Variants in ZFP2 observed in about 807,000 individuals in gnomAD.
ZFP2 encodes the protein ZFP2 zinc finger protein, also known as zinc finger protein ZFP2.
ZFP2 carries 33 observed loss-of-function variants against 36.1 expected under a neutral mutation model. That is an observed-to-expected ratio of 0.92 (90% confidence interval 0.69 to 1.22). The LOEUF is 1.22. Ranked by LOEUF, ZFP2 falls within the 50% of genes most tolerant of loss-of-function variation. The probability of loss-of-function intolerance (pLI) is 0.00; values close to 1 mark genes in which losing one functional copy is unlikely to be tolerated. For synonymous variants in ZFP2, 170 were observed against 178.0 expected, an observed-to-expected ratio of 0.96 and a Z score of 0.36; for missense variants, 522 against 551.4, an observed-to-expected ratio of 0.95 and a Z score of 0.53.
chr5:178,903,912 A>C (rs1360521219), intron 1 of ZFP2, among the ~76,000 whole-genome samples: 1 of 152,060 alleles, frequency 6.6e-6, no homozygotes, highest in Non-Finnish European at 1.5e-5. Flanking sequence ...AATCGGTTGA[A>C]CCCGGGAGGT....
Position 178,931,304 on chromosome 5 carries a change from T to A in ZFP2, c.-10T>A. 2 of 1,574,492 alleles carry A rather than the reference T, an allele frequency of 1.3e-6. No individual in the cohort carries two copies. The highest frequency in any genetic ancestry group is 1.7e-6 in the Non-Finnish European group (2 of 1,162,696). ...CGGGTATTACTGAAGATTTATGCCA[T>A]GGGGTAACAATGGAAAGGGAAGGTA... On this transcript the variant is annotated 5_prime_UTR_variant, in exon 5 of 5. An upstream start codon of the reference 5' UTR is lost. Coordinates refer to ENST00000361362, the MANE Select transcript of ZFP2 (RefSeq NM_030613.4).
intron 1 of ZFP2, among the ~76,000 whole-genome samples, chr5:178,897,544 C>T (rs1757968218): frequency 6.6e-6 from 1 of 152,018 alleles, no homozygotes; most frequent in African/African-American, 2.4e-5. Context: ...TTTTTGTGTA[C>T]ATTTTTATTT....
chr5:178,925,177 ATATATAT>A (rs1758645891), intron 4 of ZFP2, among the ~76,000 whole-genome samples: 1 of 147,120 alleles, frequency 6.8e-6, no homozygotes, highest in Non-Finnish European at 1.5e-5. Context: ...ATACATATAC[ATATATAT>A]TATGTGCCTT....
At chr5:178,909,972 T>G in intron 1 of ZFP2, 5 of 1,404,536 alleles carry the variant, frequency 3.6e-6, no homozygotes, top group Non-Finnish European at 5.0e-6. Context: ...TACTGGAGAA[T>G]TGTTCTGGGT....
Position 178,896,625 on chromosome 5 carries a change from A to C in ZFP2, c.-450+651A>C, listed in dbSNP as rs553360885. On this transcript the variant is annotated intron_variant, in intron 1 of 4. Coordinates refer to ENST00000361362, the MANE Select transcript of ZFP2 (RefSeq NM_030613.4). ...GGGGAATCTTTTCTTTTTTTCCTTA[A>C]GCGATTTCACTGTAGCACAACTGGA... 5.3e-5 allele frequency among the ~76,000 whole-genome samples: 8 copies of C among 152,264 alleles called. No individual in the cohort carries two copies. In the East Asian group the frequency reaches 1.5e-3, roughly 29 times the overall value.
At chr5:178,905,857 T>C (rs1226728981) in intron 1 of ZFP2, among the ~76,000 whole-genome samples, 6 of 152,038 alleles carry the variant, frequency 3.9e-5, no homozygotes, top group African/African-American at 1.4e-4. Flanking sequence ...GCTCAAGCCA[T>C]GTTCCCACCT....
chr5:178,931,238 C>T lies in ZFP2; in HGVS notation c.-76C>T. ...ATTTGAATTTTTTTTTTTTTTCAGA[C>T]TGGGAGACAAGACTTGAAACCAAAG... On this transcript the variant is annotated splice_region_variant and 5_prime_UTR_variant, in exon 5 of 5. Transcript: ENST00000361362. 2.7e-6 allele frequency: 4 copies of T among 1,500,668 alleles called. No individual in the cohort carries two copies. The highest frequency in any genetic ancestry group is 3.5e-6 in the Non-Finnish European group (4 of 1,128,826). The allele number at this position is 1,500,668 out of a possible 1,614,324, so 93.0% of individuals were successfully genotyped here. A position where few individuals can be genotyped will look rare whatever the true frequency, so the allele number is the denominator to read the frequency against.
chr5:178,930,613 A>G (rs1758808041), intron 4 of ZFP2, among the ~76,000 whole-genome samples: 1 of 151,586 alleles, frequency 6.6e-6, no homozygotes, highest in Non-Finnish European at 1.5e-5. Flanking sequence ...GAGCCACCAC[A>G]CCCGGGCTTG....
intron 3 of ZFP2, among the ~76,000 whole-genome samples, chr5:178,915,201 C>G (rs1758393687): frequency 6.6e-6 from 1 of 151,604 alleles, no homozygotes; most frequent in African/African-American, 2.4e-5. Flanking sequence ...TATTGTCATT[C>G]TGGTGGGTTT....
intron 1 of ZFP2, among the ~76,000 whole-genome samples, chr5:178,901,439 C>T (rs1758055552): frequency 6.6e-6 from 1 of 152,214 alleles, no homozygotes; most frequent in African/African-American, 2.4e-5. Flanking sequence ...CAGGGCCTTG[C>T]TCTCTGAAAC....
rs6872794 is a variant in ZFP2 at position 178,911,537 on chromosome 5, G to A, written c.-449-1047G>A. Among the ~76,000 whole-genome samples the A allele has an allele frequency of 2.4e-4, 36 of 151,978 alleles. No individual in the cohort carries two copies. In the East Asian group the frequency reaches 6.4e-3, roughly 27 times the overall value. ...GGAGAAAGACTTTTATGATGATCCA[G>A]TTCCATTTAATGAGTATATGTGAAA... On this transcript the variant is annotated intron_variant, in intron 1 of 4. Coordinates refer to ENST00000361362, the MANE Select transcript of ZFP2 (RefSeq NM_030613.4).
In ZFP2 at chr5:178,932,036, C is replaced by CTA. The variant is rs781527597; in HGVS notation, c.725_726dup (p.Glu243MetfsTer73). 23 of 1,613,916 alleles carry CTA rather than the reference C, an allele frequency of 1.4e-5. No homozygotes were observed. In the East Asian group the frequency reaches 4.5e-4, roughly 31 times the overall value. Reference sequence around the variant, plus strand: ...AGAGAACTCATACAGGAGAAAAACCCTATGAATGTAATGAATGTGGAAAAG... The same window carrying CTA: ...AGAGAACTCATACAGGAGAAAAACCCTATATGAATGTAATGAATGTGGAAAAG... On this transcript the variant is annotated frameshift_variant, in exon 5 of 5. Transcript: ENST00000361362. LOFTEE classifies it high-confidence loss of function.
intron 4 of ZFP2, among the ~76,000 whole-genome samples, chr5:178,926,037 G>A (rs1035361404): frequency 6.8e-6 from 1 of 148,060 alleles, no homozygotes; most frequent in Non-Finnish European, 1.5e-5. Flanking sequence ...TGTAGAGATG[G>A]GCTCTCACTA....
rs1217706133 is a variant in ZFP2, at chr5:178,925,150, C to CAT, written c.-77-6079_-77-6078dup. Among the ~76,000 whole-genome samples the CAT allele has an allele frequency of 3.7e-3, 300 of 81,846 alleles. 8 individuals are homozygous for CAT. The highest frequency in any genetic ancestry group is 0.011 in the African/African-American group (283 of 25,674). 53.7% of individuals were successfully genotyped at this position (81,846 alleles called of 152,430 possible). On this transcript the variant is annotated intron_variant, in intron 4 of 4. Coordinates refer to ENST00000361362, the MANE Select transcript of ZFP2 (RefSeq NM_030613.4). Reference sequence around the variant, plus strand: ...ATACACACACACACACACACACACACATATATATACACATATATACATATA... The same window carrying CAT: ...ATACACACACACACACACACACACACATATATATATACACATATATACATATA...
chr5:178,906,302 T>C (rs1178333736), intron 1 of ZFP2, among the ~76,000 whole-genome samples: 2 of 152,174 alleles, frequency 1.3e-5, no homozygotes, highest in Non-Finnish European at 2.9e-5. Flanking sequence ...GTGGATGATT[T>C]TTGGAAGGGG....
intron 1 of ZFP2, among the ~76,000 whole-genome samples, chr5:178,902,788 C>T (rs932587367): frequency 6.6e-6 from 1 of 152,104 alleles, no homozygotes; most frequent in Admixed American, 6.5e-5. Context: ...CTACAAAAGC[C>T]CATAAAAGTA....
intron 4 of ZFP2, among the ~76,000 whole-genome samples, chr5:178,920,592 G>A (rs1188281658): frequency 5.9e-5 from 9 of 151,406 alleles, no homozygotes; most frequent in Non-Finnish European, 1.2e-4. Context: ...AGTCGAGATC[G>A]CGCCACTGCA....
At position 178,931,552 on chromosome 5, in the gene ZFP2, G is replaced by A; in HGVS notation, c.239G>A (p.Gly80Glu). Residue 80 changes from glycine to glutamate, a missense_variant, in exon 5 of 5, where the codon GGA becomes GAA. Physicochemically the swap from Gly to Glu is moderately conservative, Grantham distance 98 (BLOSUM62 -2). Transcript: ENST00000361362. ...VKRPHNCNSH[G>E]EDATQNSELI... ...AGGCCCCATAACTGTAATTCACATG[G>A]AGAAGATGCCACACAAAATTCTGAG... 1.2e-6 allele frequency: 2 copies of A among 1,614,142 alleles called. No individual in the cohort carries two copies. The highest frequency in any genetic ancestry group is 1.7e-6 in the Non-Finnish European group (2 of 1,180,018).
intron 1 of ZFP2, chr5:178,910,295 C>T: frequency 7.6e-7 from 1 of 1,315,236 alleles, no homozygotes; most frequent in Non-Finnish European, 1.1e-6. Context: ...CCATGCCTTC[C>T]TCCAAAATTG....
Sources: gnomAD v4.1 joint callset for allele counts (sites outside exome capture counted in the v4.1 genomes callset) on GRCh38, gnomAD v4.1.1 for gene constraint, MANE v1.5 for transcripts, NCBI Gene and HGNC (gene_info 2026-07-23, HGNC 2026-07-21) for gene names.